Variants in LHFPL3 observed in about 807,000 individuals in gnomAD.
The protein encoded by LHFPL3 is LHFPL tetraspan subfamily member 3 protein.
LHFPL3 carries 5 observed loss-of-function variants against 19.3 expected under a neutral mutation model. The observed-to-expected ratio is 0.26, with a 90% CI of 0.14 to 0.54. LHFPL3 has a LOEUF of 0.54. LHFPL3 is among the 20% of genes least tolerant of loss of function. The probability of loss-of-function intolerance (pLI) is 0.94; values close to 1 mark genes in which losing one functional copy is unlikely to be tolerated. For synonymous variants in LHFPL3, 133 were observed against 126.2 expected (o/e 1.05, Z -0.36); for missense variants, 249 against 307.4 (o/e 0.81, Z 1.42).
chr7:104,332,866 C>T (rs1490756314), intron 1 of LHFPL3, among the ~76,000 whole-genome samples: 4 of 143,106 alleles, frequency 2.8e-5, no homozygotes, highest in Middle Eastern at 3.5e-3. Context: ...AAACTGGAGA[C>T]ATAAAAATAA....
At chr7:104,456,451 C>T (rs535654456) in intron 1 of LHFPL3, among the ~76,000 whole-genome samples, 1 of 152,298 alleles carries the variant, frequency 6.6e-6, no homozygotes, top group Non-Finnish European at 1.5e-5. Flanking sequence ...TTTCCAAGAC[C>T]CCCAGTGGAT....
chr7:104,706,613 C>A (rs889499949), intron 1 of LHFPL3, among the ~76,000 whole-genome samples: 4 of 152,220 alleles, frequency 2.6e-5, no homozygotes, highest in Admixed American at 2.6e-4. Flanking sequence ...CCAACACCCT[C>A]TCCCCTAAGT....
chr7:104,394,889 T>C (rs1052419673), intron 1 of LHFPL3, among the ~76,000 whole-genome samples: 11 of 151,934 alleles, frequency 7.2e-5, no homozygotes, highest in African/African-American at 2.2e-4. Flanking sequence ...TTAGTAGAGA[T>C]AGGGTTTCAC....
intron 2 of LHFPL3, among the ~76,000 whole-genome samples, chr7:104,830,444 C>A (rs1367161318): frequency 6.6e-6 from 1 of 151,910 alleles, no homozygotes; most frequent in African/African-American, 2.4e-5. Context: ...AGGTTTGCTT[C>A]TAGGGTTTTT....
intron 1 of LHFPL3, among the ~76,000 whole-genome samples, chr7:104,536,396 C>A (rs1465584893): frequency 6.6e-6 from 1 of 152,146 alleles, no homozygotes; most frequent in African/African-American, 2.4e-5. Flanking sequence ...ATGGTTAGCC[C>A]AGCCCACGAG....
chr7:104,590,059 C>G (rs1396547345), intron 1 of LHFPL3, among the ~76,000 whole-genome samples: 1 of 152,120 alleles, frequency 6.6e-6, no homozygotes, highest in Non-Finnish European at 1.5e-5. Flanking sequence ...TTTCAAAAAA[C>G]CACCTCCTGG....
intron 1 of LHFPL3, among the ~76,000 whole-genome samples, chr7:104,565,286 A>G (rs1230968896): frequency 1.3e-5 from 2 of 152,256 alleles, no homozygotes; most frequent in East Asian, 1.9e-4. Flanking sequence ...AAAGCTCTCC[A>G]GAAAAATCAT....
intron 1 of LHFPL3, among the ~76,000 whole-genome samples, chr7:104,364,765 A>C (rs1398760755): frequency 6.6e-6 from 1 of 152,242 alleles, no homozygotes; most frequent in Non-Finnish European, 1.5e-5. Flanking sequence ...AACCAGGAGC[A>C]CGTCATTTAA....
At chr7:104,571,939 G>A (rs185130204) in intron 1 of LHFPL3, among the ~76,000 whole-genome samples, 2 of 152,252 alleles carry the variant, frequency 1.3e-5, no homozygotes, top group Admixed American at 1.3e-4. Context: ...TTTTAAGTAT[G>A]TAAAGTAGAA....
At chr7:104,705,514 C>T (rs553545738) in intron 1 of LHFPL3, among the ~76,000 whole-genome samples, 8 of 152,160 alleles carry the variant, frequency 5.3e-5, no homozygotes, top group Non-Finnish European at 7.4e-5. Flanking sequence ...AGTTCTCTCC[C>T]CCTTCTTTTT....
At chr7:104,856,023 T>C (rs992932499) in intron 2 of LHFPL3, among the ~76,000 whole-genome samples, 1 of 152,146 alleles carries the variant, frequency 6.6e-6, no homozygotes, top group African/African-American at 2.4e-5. Context: ...CCTGTTATTC[T>C]TTTACCCATG....
intron 2 of LHFPL3, among the ~76,000 whole-genome samples, chr7:104,843,270 T>C (rs1408635620): frequency 1.3e-5 from 2 of 152,216 alleles, no homozygotes; most frequent in Non-Finnish European, 2.9e-5. Context: ...AAAACCCTGC[T>C]CAAAGCAGAG....
At chr7:104,596,063 G>A (rs886331582) in intron 1 of LHFPL3, among the ~76,000 whole-genome samples, 2 of 152,218 alleles carry the variant, frequency 1.3e-5, no homozygotes, top group Non-Finnish European at 2.9e-5. Flanking sequence ...TCCGTGGGCT[G>A]CACCCACTGT....
chr7:104,679,293 C>A (rs1792649511), intron 1 of LHFPL3, among the ~76,000 whole-genome samples: 2 of 152,236 alleles, frequency 1.3e-5, no homozygotes, highest in African/African-American at 4.8e-5. Flanking sequence ...GCCTACATAG[C>A]AGTTGGGTTC....
intron 2 of LHFPL3, among the ~76,000 whole-genome samples, chr7:104,847,274 T>G (rs1475227991): frequency 6.6e-6 from 1 of 152,186 alleles, no homozygotes; most frequent in Non-Finnish European, 1.5e-5. Context: ...CATTCTCTCC[T>G]TTTCAGTGTA....
intron 1 of LHFPL3, among the ~76,000 whole-genome samples, chr7:104,521,093 A>C (rs1278225308): frequency 6.6e-6 from 1 of 152,064 alleles, no homozygotes; most frequent in Non-Finnish European, 1.5e-5. Flanking sequence ...TTAGTACTAC[A>C]AATTTCCCTC....
At chr7:104,603,549 A>G (rs1266315064) in intron 1 of LHFPL3, among the ~76,000 whole-genome samples, 1 of 152,164 alleles carries the variant, frequency 6.6e-6, no homozygotes, top group Non-Finnish European at 1.5e-5. Flanking sequence ...CTCAAAGTCC[A>G]AAGTCTCATC....
intron 1 of LHFPL3, among the ~76,000 whole-genome samples, chr7:104,413,851 C>G (rs146055405): frequency 5.3e-5 from 8 of 152,164 alleles, no homozygotes; most frequent in Non-Finnish European, 1.2e-4. Flanking sequence ...CTTCTTATAG[C>G]TGGAATCACC....
intron 2 of LHFPL3, among the ~76,000 whole-genome samples, chr7:104,829,830 C>T (rs1057470885): frequency 6.6e-6 from 1 of 151,936 alleles, no homozygotes; most frequent in African/African-American, 2.4e-5. Flanking sequence ...ATTTATAATC[C>T]TTTGGGTATA....
Sources: gnomAD v4.1 joint callset for allele counts (sites outside exome capture counted in the v4.1 genomes callset) on GRCh38, gnomAD v4.1.1 for gene constraint, MANE v1.5 for transcripts, NCBI Gene and HGNC (gene_info 2026-07-23, HGNC 2026-07-21) for gene names.